The following CHST13 variants were observed in gnomAD, a reference collection of about 807,000 sequenced individuals.
CHST13 encodes the protein carbohydrate sulfotransferase 13.
Under a neutral mutation model 7.0 loss-of-function variants are expected in CHST13, and 1 was observed. The observed-to-expected ratio is 0.14, with a 90% confidence interval of 0.05 to 0.68. The LOEUF is 0.68. CHST13 is among the 30% of genes least tolerant of loss of function. The pLI, the probability that CHST13 is intolerant of heterozygous loss-of-function variation, is 0.82. For synonymous variants in CHST13, 257 were observed against 240.9 expected (o/e 1.07, Z -0.62); for missense variants, 572 against 507.9 (o/e 1.13, Z -1.21).
At chr3:126,526,492 G>A (rs1936539134) in intron 1 of CHST13, among the ~76,000 whole-genome samples, 2 of 152,128 alleles carry the variant, frequency 1.3e-5, no homozygotes, top group Non-Finnish European at 2.9e-5. Context: ...GCCCAGCACT[G>A]TCCCCTCCTT....
At chr3:126,530,766 G>A (rs991818726) in intron 1 of CHST13, among the ~76,000 whole-genome samples, 1 of 152,266 alleles carries the variant, frequency 6.6e-6, no homozygotes, top group Admixed American at 6.5e-5. Context: ...ATGTCCGGCA[G>A]TTCAGATCTC....
chr3:126,534,891 C>T (rs1439778095), intron 1 of CHST13, among the ~76,000 whole-genome samples: 1 of 151,348 alleles, frequency 6.6e-6, no homozygotes, highest in African/African-American at 2.4e-5. Flanking sequence ...TCCCTGTCCC[C>T]AGCCGGGAGA....
chr3:126,536,928 A>C (rs544736878), intron 2 of CHST13, among the ~76,000 whole-genome samples: 25 of 136,238 alleles, frequency 1.8e-4, no homozygotes, highest in African/African-American at 5.8e-4. Context: ...CACACACCCC[A>C]CACACACAAG....
In CHST13 at chr3:126,541,881, G is replaced by T; in HGVS notation, c.329G>T (p.Cys110Phe). ...GACGACGCGCATGGCCTGCTCTACT[G>T]CTACGTGCCCAAGGTGGCCTGCACC... Reference protein sequence around the residue: ...LVDDAHGLLYCYVPKVACTNW... With the variant: ...LVDDAHGLLYFYVPKVACTNW... Residue 110 changes from cysteine to phenylalanine, a missense_variant, in exon 3 of 3, where the codon TGC (cysteine) becomes TTC (phenylalanine). Coordinates refer to ENST00000319340, the MANE Select transcript of CHST13 (RefSeq NM_152889.3). The T allele has an allele frequency of 6.3e-7, 1 of 1,599,706 alleles. No homozygotes were observed. Among genetic ancestry groups the T allele is most frequent in the East Asian group, 2.3e-5 (1 of 44,084 alleles).
chr3:126,539,066 AC>A (rs1936865111), intron 2 of CHST13, among the ~76,000 whole-genome samples: 1 of 151,896 alleles, frequency 6.6e-6, no homozygotes. Flanking sequence ...TGAGAATCTC[AC>A]CTACAGGCAT....
At chr3:126,538,725 C>T (rs115567120) in intron 2 of CHST13, among the ~76,000 whole-genome samples, 425 of 152,312 alleles carry the variant, frequency 2.8e-3, no homozygotes, top group Non-Finnish European at 3.6e-3. Context: ...TCAGTCCTGA[C>T]GGTGGAAACA....
At chr3:126,538,323 C>T (rs1873401) in intron 2 of CHST13, among the ~76,000 whole-genome samples, 18,065 of 152,272 alleles carry the variant, frequency 0.12, 1,775 homozygotes, top group African/African-American at 0.27. Context: ...GCTGCAGACA[C>T]CTCACAGGAG....
chr3:126,528,417 G>A (rs747297313), intron 1 of CHST13, among the ~76,000 whole-genome samples: 4 of 152,198 alleles, frequency 2.6e-5, no homozygotes, highest in Non-Finnish European at 2.9e-5. Context: ...AAAGAGTGCC[G>A]TGGCTGGAGC....
At chr3:126,533,206 ACCTGGATG>A (rs1423647690) in intron 1 of CHST13, among the ~76,000 whole-genome samples, 7 of 152,070 alleles carry the variant, frequency 4.6e-5, no homozygotes, top group Non-Finnish European at 1.0e-4. Context: ...TTACTTTCCA[ACCTGGATG>A]CCTTTTATTT....
chr3:126,539,368 T>C (rs1936872419), intron 2 of CHST13, among the ~76,000 whole-genome samples: 1 of 152,078 alleles, frequency 6.6e-6, no homozygotes, highest in South Asian at 2.1e-4. Context: ...TTAGTGTATC[T>C]TAGACAGCTG....
At chr3:126,534,742 C>T (rs1936729527) in intron 1 of CHST13, among the ~76,000 whole-genome samples, 3 of 148,814 alleles carry the variant, frequency 2.0e-5, no homozygotes, top group African/African-American at 7.5e-5. Flanking sequence ...GCATCCCTGT[C>T]CCCACCCAGG....
Position 126,542,277 on chromosome 3 carries a change from CCTT to C in CHST13, c.727_729del (p.Phe243del). On this transcript the variant is annotated inframe_deletion, in exon 3 of 3. Coordinates refer to ENST00000319340, the MANE Select transcript of CHST13 (RefSeq NM_152889.3). ...GACCCGCGCACGCGGCGTGAGGAGCCCTTCAACGAGCACTGGGAGCGCGCGCAC... is the reference window on the plus strand; with the variant it reads ...GACCCGCGCACGCGGCGTGAGGAGCCCAACGAGCACTGGGAGCGCGCGCAC... 6.4e-7 allele frequency: 1 copy of C among 1,563,686 alleles called. No homozygotes were observed. The highest frequency in any genetic ancestry group is 8.6e-7 in the Non-Finnish European group (1 of 1,160,554).
At position 126,524,339 on chromosome 3, in the gene CHST13, A is replaced by C; in HGVS notation, c.7A>C (p.Arg3=). MG[R]RCCRRRVLAA... is the part of the protein sequence containing the mutation. ...GCCGCGCGCCCGGCACAGCATGGGGAGGCGCTGCTGCCGGCGGCGCGTGCT... is the reference window on the plus strand; with the variant it reads ...GCCGCGCGCCCGGCACAGCATGGGGCGGCGCTGCTGCCGGCGGCGCGTGCT... Residue 3 remains arginine, a synonymous_variant, in exon 1 of 3, where the codon AGG becomes CGG. Transcript: ENST00000319340. The C allele has an allele frequency of 8.1e-7, 1 of 1,235,006 alleles. No homozygotes were observed. Among genetic ancestry groups the C allele is most frequent in the Non-Finnish European group, 1.0e-6 (1 of 989,722 alleles). 76.5% of individuals were successfully genotyped at this position (1,235,006 alleles called of 1,614,324 possible).
rs1038640486 is a variant in CHST13 at position 126,540,101 on chromosome 3, G to A, written c.181-1632G>A. ...ACACGCGTGCACCACACACGCACAGGACACACACGCATTCCCACCCCACTG... is the reference window on the plus strand; with the variant it reads ...ACACGCGTGCACCACACACGCACAGAACACACACGCATTCCCACCCCACTG... On this transcript the variant is annotated intron_variant, in intron 2 of 2. Transcript: ENST00000319340. Among the ~76,000 whole-genome samples the A allele has an allele frequency of 4.0e-5, 6 of 150,922 alleles. No individual in the cohort carries two copies. The South Asian group carries it at 8.5e-4, about 21-fold the overall frequency.
At chr3:126,535,219 C>G (rs113568308) in intron 1 of CHST13, among the ~76,000 whole-genome samples, 138 of 145,154 alleles carry the variant, frequency 9.5e-4, no homozygotes, top group African/African-American at 3.3e-3. Flanking sequence ...TGTCCCCAGC[C>G]GGTAGACAGA....
chr3:126,537,467 G>T (rs1936822239), intron 2 of CHST13, among the ~76,000 whole-genome samples: 1 of 152,212 alleles, frequency 6.6e-6, no homozygotes, highest in African/African-American at 2.4e-5. Flanking sequence ...TCAGGGTGGT[G>T]TTGGGTAGGT....
chr3:126,524,493 C>A, intron 1 of CHST13, 64 bp downstream of exon 1: 1 of 541,490 alleles, frequency 1.8e-6, no homozygotes, highest in African/African-American at 2.0e-5. Context: ...CTTTCCACCG[C>A]GGCCTGACCC....
rs781528562 is a variant in CHST13 at position 126,529,389 on chromosome 3, G to A, written c.97+4960G>A. 3.1e-6 allele frequency: 4 copies of A among 1,289,126 alleles called. No homozygotes were observed. The African/African-American group carries it at 4.6e-5, about 15-fold the overall frequency. The allele number at this position is 1,289,126 out of a possible 1,614,324, so 79.9% of individuals were successfully genotyped here. On this transcript the variant is annotated intron_variant, in intron 1 of 2. Transcript: ENST00000319340. ...CCCACTTGCCTACGGATGCCGCAAG[G>A]GGGGACAGGTGTCAGGACAAGGGGG... is the stretch of plus-strand genomic sequence containing the variant.
At position 126,541,961 on chromosome 3, in the gene CHST13, G is replaced by C; in HGVS notation, c.409G>C (p.Ala137Pro). The C allele has an allele frequency of 6.3e-7, 1 of 1,584,032 alleles. No homozygotes were observed. Among genetic ancestry groups the C allele is most frequent in the Non-Finnish European group, 8.6e-7 (1 of 1,167,162 alleles). The change falls in exon 3 of 3, where the codon GCC becomes CCC. Residue 137 changes from alanine (A) to proline (P), a missense_variant. Ala to Pro is a conservative substitution (Grantham distance 27). Transcript: ENST00000319340. ...LSGQARGDPR[A>P]ISAQEAHAPG... ...CGGCCAAGCCCGCGGCGACCCGCGC[G>C]CCATCTCCGCGCAAGAGGCGCACGC...
Sources: allele counts gnomAD v4.1 joint callset (sites outside exome capture counted in the v4.1 genomes callset), GRCh38; gene constraint gnomAD v4.1.1; transcripts MANE v1.5; gene names NCBI Gene and HGNC (gene_info 2026-07-23, HGNC 2026-07-21).